The following RNF157 variants were observed in gnomAD, a reference collection of about 807,000 sequenced individuals.
RNF157 encodes E3 ubiquitin ligase RNF157.
A neutral mutation model predicts 88.3 loss-of-function variants in RNF157; 55 were observed. The observed-to-expected ratio is 0.62, with a 90% CI of 0.50 to 0.78. The LOEUF is 0.78. Ranked by LOEUF, RNF157 falls within the 30% of genes least tolerant of loss-of-function variation. The pLI is 0.00. For missense variants in RNF157, 788 were observed against 860.8 expected (o/e 0.92, Z 1.06); for synonymous variants, 334 against 341.2 (o/e 0.98, Z 0.23).
At chr17:76,165,953 C>T (rs1439658560) in intron 6 of RNF157, among the ~76,000 whole-genome samples, 1 of 151,780 alleles carries the variant, frequency 6.6e-6, no homozygotes, top group African/African-American at 2.4e-5. Context: ...GCTAGGATTA[C>T]AGGGATGAGC....
chr17:76,202,128 T>TCTCTCTCTCTCA (rs1250661867), intron 2 of RNF157, among the ~76,000 whole-genome samples: 2,029 of 134,572 alleles, frequency 0.015, 72 homozygotes, highest in African/African-American at 0.059. Flanking sequence ...TCTCTCTCTC[T>TCTCTCTCTCTCA]CACACACACA....
intron 2 of RNF157, among the ~76,000 whole-genome samples, chr17:76,189,651 C>T (rs903866300): frequency 3.9e-5 from 6 of 152,084 alleles, no homozygotes; most frequent in African/African-American, 9.7e-5. Flanking sequence ...AAAGGGGGCA[C>T]GGAGCTGACA....
intron 2 of RNF157, among the ~76,000 whole-genome samples, chr17:76,193,500 T>C (rs1045172079): frequency 6.6e-6 from 1 of 152,116 alleles, no homozygotes; most frequent in Non-Finnish European, 1.5e-5. Flanking sequence ...ATCTGCCCTA[T>C]ATTCTACTGG....
Position 76,162,565 on chromosome 17 carries a change from G to A in RNF157, c.779C>T (p.Thr260Ile), listed in dbSNP as rs902052648. 1 of 1,612,630 alleles carries A rather than the reference G, an allele frequency of 6.2e-7. No homozygotes were observed. Among genetic ancestry groups the A allele is most frequent in the Admixed American group, 1.7e-5 (1 of 59,892 alleles). Reference sequence around the variant, plus strand: ...GGTAAAACTTACCTTAGAATCTTGTGTGTTGTACTTGTTTTCAATTCCATA... The same window carrying A: ...GGTAAAACTTACCTTAGAATCTTGTATGTTGTACTTGTTTTCAATTCCATA... ...EIYGIENKYN[T>I]QDSKVAEDEV... The change falls in exon 9 of 19, where the codon ACA (threonine) becomes ATA (isoleucine). Residue 260 changes from threonine to isoleucine, a missense_variant. By Grantham distance (89) the Thr-to-Ile change is moderately conservative. Coordinates refer to ENST00000269391, the MANE Select transcript of RNF157 (RefSeq NM_052916.3).
At chr17:76,185,154 C>T (rs1340137721) in intron 2 of RNF157, among the ~76,000 whole-genome samples, 1 of 152,112 alleles carries the variant, frequency 6.6e-6, no homozygotes, top group African/African-American at 2.4e-5. Context: ...TGCTCAGTCC[C>T]ACTCTGTCAT....
At chr17:76,202,107 CA>C (rs2069589745) in intron 2 of RNF157, among the ~76,000 whole-genome samples, 1 of 141,628 alleles carries the variant, frequency 7.1e-6, no homozygotes, top group Admixed American at 6.9e-5. Flanking sequence ...AACCCAATCT[CA>C]GTTTCTCTCT....
At chr17:76,171,605 C>G (rs2069015890) in intron 3 of RNF157, among the ~76,000 whole-genome samples, 1 of 152,174 alleles carries the variant, frequency 6.6e-6, no homozygotes, top group Non-Finnish European at 1.5e-5. Flanking sequence ...AATTTATTCC[C>G]ATAATCACAG....
chr17:76,150,908 A>G (rs2144797816), intron 18 of RNF157, among the ~76,000 whole-genome samples: 1 of 152,374 alleles, frequency 6.6e-6, no homozygotes, highest in South Asian at 2.1e-4. Flanking sequence ...GCACGGAGTG[A>G]ACACGAACTT....
At chr17:76,153,092 G>GT (rs1301948237) in intron 17 of RNF157, 1 of 150,792 alleles carries the variant, frequency 6.6e-6, no homozygotes. Context: ...TTTAAAAGTT[G>GT]TTTTTTATCA....
chr17:76,156,162 G>T, intron 14 of RNF157, 48 bp downstream of exon 14: 1 of 1,425,476 alleles, frequency 7.0e-7, no homozygotes, highest in Non-Finnish European at 9.9e-7. Flanking sequence ...GACACTGTGG[G>T]CTGGGTAAGG....
At chr17:76,187,553 A>G (rs1434780685) in intron 2 of RNF157, among the ~76,000 whole-genome samples, 1 of 152,072 alleles carries the variant, frequency 6.6e-6, no homozygotes, top group Non-Finnish European at 1.5e-5. Flanking sequence ...ATAGCATAAA[A>G]TAAAAATCCA....
In RNF157 at chr17:76,151,607, G is replaced by A. The variant is rs191778266; in HGVS notation, c.1921+748C>T. 1.1e-3 allele frequency among the ~76,000 whole-genome samples: 170 copies of A among 152,352 alleles called. 1 individual carries two copies. The highest frequency in any genetic ancestry group is 3.8e-3 in the African/African-American group (157 of 41,578). ...TGGGCAAGATGTGGATTTTAGAAAA[G>A]CAGTTTTTGGAGCCCTTGAACGGGC... is the stretch of plus-strand genomic sequence containing the variant. On this transcript the variant is annotated intron_variant, in intron 18 of 18. Coordinates refer to ENST00000269391, the MANE Select transcript of RNF157 (RefSeq NM_052916.3).
At chr17:76,181,659 G>T (rs1454197225) in intron 2 of RNF157, among the ~76,000 whole-genome samples, 2 of 152,060 alleles carry the variant, frequency 1.3e-5, no homozygotes, top group African/African-American at 4.8e-5. Context: ...TCTAATCCCA[G>T]CACTTTGGGA....
intron 4 of RNF157, 146 bp downstream of exon 4, chr17:76,167,505 A>G (rs925923751): frequency 8.5e-7 from 1 of 1,172,706 alleles, no homozygotes. Flanking sequence ...GCCCTTGCTG[A>G]GTGGATAAGA....
intron 2 of RNF157, among the ~76,000 whole-genome samples, chr17:76,189,525 TA>T (rs1202398539): frequency 1.3e-5 from 2 of 151,948 alleles, no homozygotes; most frequent in East Asian, 3.8e-4. Context: ...GTTGTGAGAG[TA>T]GAAGTTGTAT....
At chr17:76,237,902 G>C (rs1409977528) in intron 1 of RNF157, among the ~76,000 whole-genome samples, 1 of 152,018 alleles carries the variant, frequency 6.6e-6, no homozygotes, top group Non-Finnish European at 1.5e-5. Flanking sequence ...GGCCAATATG[G>C]TGAAACCCCA....
At chr17:76,210,775 A>G (rs1436939489) in intron 2 of RNF157, among the ~76,000 whole-genome samples, 1 of 152,014 alleles carries the variant, frequency 6.6e-6, no homozygotes, top group African/African-American at 2.4e-5. Flanking sequence ...GAGAGAGTAA[A>G]AAACCTATCA....
intron 18 of RNF157, 141 bp downstream of exon 18, chr17:76,152,214 A>G (rs1194102741): frequency 1.6e-6 from 1 of 643,172 alleles, no homozygotes; most frequent in African/African-American, 1.8e-5. Flanking sequence ...TTCCTTCAGC[A>G]ACTGGTCTCC....
intron 1 of RNF157, among the ~76,000 whole-genome samples, chr17:76,219,367 TATCA>T (rs2069943112): frequency 6.6e-6 from 1 of 151,908 alleles, no homozygotes; most frequent in Non-Finnish European, 1.5e-5. Context: ...AAGCCAAACA[TATCA>T]ATCATATCAA....
Sources: allele counts gnomAD v4.1 joint callset (sites outside exome capture counted in the v4.1 genomes callset), GRCh38; gene constraint gnomAD v4.1.1; transcripts MANE v1.5; gene names NCBI Gene and HGNC (gene_info 2026-07-23, HGNC 2026-07-21).